Variants in LRCH1 observed in about 807,000 individuals in gnomAD.
LRCH1 encodes leucine rich repeats and calponin homology domain containing 1.
LRCH1 carries 23 observed loss-of-function variants against 94.9 expected under a neutral mutation model. The ratio of observed to expected loss-of-function variants is 0.24; its 90% CI spans 0.17 to 0.34. The LOEUF is 0.34. LRCH1 is among the 10% of genes least tolerant of loss of function. LRCH1 has a pLI of 1.00. For missense variants in LRCH1, 790 were observed against 945.9 expected, an observed-to-expected ratio of 0.84 and a Z score of 2.16; for synonymous variants, 364 against 354.9, an observed-to-expected ratio of 1.03 and a Z score of -0.29.
intron 1 of LRCH1, among the ~76,000 whole-genome samples, chr13:46,620,814 GAGTAAATCATTGACTAA>G (rs1472956096): frequency 2.0e-5 from 3 of 152,210 alleles, no homozygotes; most frequent in African/African-American, 7.2e-5. Context: ...CAGAGACATT[GAGTAAATCATTGACTAA>G]AGATAATTAA....
intron 16 of LRCH1, among the ~76,000 whole-genome samples, chr13:46,719,295 A>G (rs890221865): frequency 1.3e-5 from 2 of 152,254 alleles, no homozygotes; most frequent in African/African-American, 4.8e-5. Context: ...AGTGTTTGAA[A>G]CGTTTGTTTC....
rs1208041980 is a variant in LRCH1, at chr13:46,741,736, C to G, written c.2180C>G (p.Pro727Arg). The part of the protein sequence containing the change: ...DTLLALGEKA[P>R]PPTSALRSRD... ...CTGCTGGCACTCGGGGAGAAAGCCC[C>G]ACCACCAACTTCTGCCCTCCGCTCC... The change falls in exon 20 of 20, where the codon CCA becomes CGA. Residue 727 changes from proline to arginine, a missense_variant. Physicochemically the swap from Pro to Arg is moderately radical, Grantham distance 103. Transcript: ENST00000389797. 18 of 1,614,206 alleles carry G rather than the reference C, an allele frequency of 1.1e-5. No homozygotes were observed. The highest frequency in any genetic ancestry group is 1.4e-5 in the Non-Finnish European group (17 of 1,180,046).
intron 2 of LRCH1, among the ~76,000 whole-genome samples, chr13:46,664,158 A>T (rs2051484639): frequency 6.6e-6 from 1 of 152,170 alleles, no homozygotes; most frequent in Non-Finnish European, 1.5e-5. Flanking sequence ...TTTAATTGGT[A>T]TATGTTTTCA....
intron 1 of LRCH1, among the ~76,000 whole-genome samples, chr13:46,641,313 C>T (rs2051155684): frequency 6.6e-6 from 1 of 152,164 alleles, no homozygotes; most frequent in African/African-American, 2.4e-5. Flanking sequence ...CCTACCTCTA[C>T]CCAAGGACTA....
chr13:46,672,260 A>G (rs2051610481), intron 3 of LRCH1, among the ~76,000 whole-genome samples: 1 of 151,300 alleles, frequency 6.6e-6, no homozygotes, highest in Non-Finnish European at 1.5e-5. Flanking sequence ...CTGCCTGCAC[A>G]GTTTATCTCC....
intron 11 of LRCH1, among the ~76,000 whole-genome samples, chr13:46,702,672 G>A (rs1055040593): frequency 6.6e-6 from 1 of 152,164 alleles, no homozygotes; most frequent in African/African-American, 2.4e-5. Flanking sequence ...TTTAATGACT[G>A]CCAATTTCAA....
At chr13:46,616,263 C>G (rs1205299760) in intron 1 of LRCH1, among the ~76,000 whole-genome samples, 1 of 152,182 alleles carries the variant, frequency 6.6e-6, no homozygotes, top group Non-Finnish European at 1.5e-5. Flanking sequence ...TAAAATAAAA[C>G]TTGAAAGTAA....
chr13:46,680,853 A>G (rs2051740983), intron 3 of LRCH1, among the ~76,000 whole-genome samples: 1 of 152,208 alleles, frequency 6.6e-6, no homozygotes, highest in East Asian at 1.9e-4. Context: ...GATGCATCCA[A>G]GGCGGAGACT....
At chr13:46,593,120 C>A (rs1164123188) in intron 1 of LRCH1, among the ~76,000 whole-genome samples, 1 of 151,650 alleles carries the variant, frequency 6.6e-6, no homozygotes, top group Non-Finnish European at 1.5e-5. Flanking sequence ...GTTTTGAAAC[C>A]CTATGGAAGT....
At chr13:46,580,321 G>T (rs888191121) in intron 1 of LRCH1, among the ~76,000 whole-genome samples, 2 of 152,074 alleles carry the variant, frequency 1.3e-5, no homozygotes, top group Non-Finnish European at 2.9e-5. Flanking sequence ...ACTTTTTCTT[G>T]TAGGGCCCTT....
intron 3 of LRCH1, among the ~76,000 whole-genome samples, chr13:46,678,179 G>A (rs905865151): frequency 1.3e-5 from 2 of 152,098 alleles, no homozygotes; most frequent in Non-Finnish European, 2.9e-5. Flanking sequence ...GGCTGAATTT[G>A]AACAAAAGTG....
chr13:46,567,492 T>TTGTG (rs35848521), intron 1 of LRCH1, among the ~76,000 whole-genome samples: 4,405 of 141,930 alleles, frequency 0.031, 170 homozygotes, highest in African/African-American at 0.1. Context: ...TAAGGCAATT[T>TTGTG]TGTGTGTGTG....
At chr13:46,703,200 A>C (rs979220275) in intron 11 of LRCH1, among the ~76,000 whole-genome samples, 4 of 152,234 alleles carry the variant, frequency 2.6e-5, no homozygotes, top group Non-Finnish European at 5.9e-5. Flanking sequence ...ATGTTAGTAC[A>C]TGTAGGCATG....
At chr13:46,678,126 G>A (rs1593346066) in intron 3 of LRCH1, among the ~76,000 whole-genome samples, 1 of 152,098 alleles carries the variant, frequency 6.6e-6, no homozygotes, top group South Asian at 2.1e-4. Flanking sequence ...TTCCTAAATC[G>A]TATCTTCTTT....
chr13:46,634,040 C>T (rs1040226322), intron 1 of LRCH1, among the ~76,000 whole-genome samples: 2 of 151,120 alleles, frequency 1.3e-5, no homozygotes, highest in African/African-American at 2.4e-5. Context: ...CCACCATGCC[C>T]GGCTAATTTT....
At chr13:46,696,238 T>A (rs532366585) in intron 9 of LRCH1, among the ~76,000 whole-genome samples, 5 of 151,570 alleles carry the variant, frequency 3.3e-5, no homozygotes, top group Admixed American at 3.3e-4. Context: ...ACACACTCTT[T>A]ATATTCTGCC....
intron 1 of LRCH1, among the ~76,000 whole-genome samples, chr13:46,585,199 C>T (rs576522986): frequency 2.4e-4 from 36 of 152,254 alleles, no homozygotes; most frequent in Non-Finnish European, 4.3e-4. Flanking sequence ...GAATTTCTTA[C>T]CTGTATTTCA....
intron 5 of LRCH1, 53 bp downstream of exon 5, chr13:46,686,094 G>T (rs1593351662): frequency 9.3e-6 from 13 of 1,390,484 alleles, no homozygotes; most frequent in Admixed American, 2.9e-5. Context: ...TGTTATAGGA[G>T]CCAAGGGAAA....
At chr13:46,571,510 G>A (rs936104962) in intron 1 of LRCH1, among the ~76,000 whole-genome samples, 3 of 152,180 alleles carry the variant, frequency 2.0e-5, no homozygotes, top group African/African-American at 7.2e-5. Context: ...AGCGGGCTAG[G>A]CGTATCATTT....
Sources: allele counts gnomAD v4.1 joint callset (sites outside exome capture counted in the v4.1 genomes callset), GRCh38; gene constraint gnomAD v4.1.1; transcripts MANE v1.5; gene names NCBI Gene and HGNC (gene_info 2026-07-23, HGNC 2026-07-21).